The following DYNC1I1 variants were observed in gnomAD, a reference collection of about 807,000 sequenced individuals.
DYNC1I1 encodes cytoplasmic dynein 1 intermediate chain 1.
A neutral mutation model predicts 86.6 loss-of-function variants in DYNC1I1; 43 were observed. That is an observed-to-expected ratio of 0.50 (90% CI 0.39 to 0.64). The LOEUF is 0.64. Ranked by LOEUF, DYNC1I1 falls within the 30% of genes least tolerant of loss-of-function variation. The pLI is 0.00. For synonymous variants in DYNC1I1, 262 were observed against 283.7 expected, an observed-to-expected ratio of 0.92 and a Z score of 0.77; for missense variants, 604 against 788.8, an observed-to-expected ratio of 0.77 and a Z score of 2.81.
rs1384024941 is a variant in DYNC1I1 at position 96,035,623 on chromosome 7, G to A, written c.1235G>A (p.Ser412Asn). The change falls in exon 13 of 17, where the codon AGC becomes AAC. Residue 412 changes from serine to asparagine, a missense_variant. Coordinates refer to ENST00000447467, the MANE Select transcript of DYNC1I1 (RefSeq NM_001135556.2). ...AACCACACCGTGTTTTGGTAGGAGA[G>A]CATGGAGCTGGTGTACAATAAGTCC... ...SLDMLSTPQE[S>N]MELVYNKSKP... The A allele has an allele frequency of 1.3e-6, 2 of 1,585,904 alleles. No homozygotes were observed. Among genetic ancestry groups the A allele is most frequent in the Non-Finnish European group, 1.7e-6 (2 of 1,169,278 alleles).
At chr7:95,982,033 T>C (rs1196028953) in intron 7 of DYNC1I1, among the ~76,000 whole-genome samples, 1 of 151,936 alleles carries the variant, frequency 6.6e-6, no homozygotes, top group African/African-American at 2.4e-5. Flanking sequence ...CCTGGAGAGG[T>C]TTTTATCTCT....
chr7:95,810,350 T>G (rs1262150341), intron 2 of DYNC1I1, 42 bp from the exon 3 acceptor site: 1 of 1,514,824 alleles, frequency 6.6e-7, no homozygotes, highest in Non-Finnish European at 9.0e-7. Flanking sequence ...AAGCATACAT[T>G]TAGTTATGTT....
At chr7:95,868,719 C>G (rs1404097353) in intron 5 of DYNC1I1, among the ~76,000 whole-genome samples, 2 of 152,106 alleles carry the variant, frequency 1.3e-5, no homozygotes, top group Admixed American at 1.3e-4. Context: ...CATATGACTA[C>G]ATAATATATA....
chr7:96,035,423 C>A (rs1794905446), intron 12 of DYNC1I1, among the ~76,000 whole-genome samples, 196 bp from the exon 13 acceptor site: 1 of 152,176 alleles, frequency 6.6e-6, no homozygotes, highest in Admixed American at 6.5e-5. Flanking sequence ...CTGATGAAAT[C>A]CAGCCGGCTT....
chr7:95,946,794 G>T (rs1792414304), intron 6 of DYNC1I1, among the ~76,000 whole-genome samples: 1 of 152,114 alleles, frequency 6.6e-6, no homozygotes, highest in African/African-American at 2.4e-5. Context: ...CTTATATCTT[G>T]GTTGAATGAC....
intron 6 of DYNC1I1, among the ~76,000 whole-genome samples, chr7:95,973,008 C>G (rs768024730): frequency 2.0e-5 from 3 of 152,144 alleles, no homozygotes; most frequent in Non-Finnish European, 4.4e-5. Flanking sequence ...TAATTAACTT[C>G]TGCCACTAGT....
chr7:95,962,925 A>G (rs1584203952), intron 6 of DYNC1I1, among the ~76,000 whole-genome samples: 1 of 152,286 alleles, frequency 6.6e-6, no homozygotes, highest in Non-Finnish European at 1.5e-5. Context: ...TTGACTTATA[A>G]TGCTGCTTCT....
rs1346289011 is a variant in DYNC1I1 at position 95,810,429 on chromosome 7, A to T, written c.146A>T (p.Asp49Val). Residue 49 changes from aspartate to valine, a missense_variant, in exon 3 of 17, where the codon GAC (aspartate) becomes GTC (valine). Asp to Val is a radical substitution (Grantham distance 152). Coordinates refer to ENST00000447467, the MANE Select transcript of DYNC1I1 (RefSeq NM_001135556.2). The part of the protein sequence containing the change: ...MQQKKEPVQD[D>V]SDLDRKRRET... ...CAGAAGAAAGAACCCGTTCAGGACG[A>T]CTCTGATCTGGATCGCAAACGACGA... 1.2e-6 allele frequency: 2 copies of T among 1,612,792 alleles called. No homozygotes were observed. The highest frequency in any genetic ancestry group is 1.7e-6 in the Non-Finnish European group (2 of 1,179,334).
At chr7:95,852,647 C>T (rs1031299235) in intron 5 of DYNC1I1, among the ~76,000 whole-genome samples, 1 of 152,010 alleles carries the variant, frequency 6.6e-6, no homozygotes, top group Admixed American at 6.6e-5. Context: ...GCGAGGATTA[C>T]AGGTGCCCGC....
intron 6 of DYNC1I1, among the ~76,000 whole-genome samples, chr7:95,968,822 C>CTGTGTGTGTGTGTG (rs1491236339): frequency 7.5e-6 from 1 of 133,534 alleles, no homozygotes; most frequent in African/African-American, 2.7e-5. Context: ...GAATTTTTTG[C>CTGTGTGTGTGTGTG]TCTGTGTGTG....
At chr7:95,847,784 G>A (rs1026449193) in intron 5 of DYNC1I1, among the ~76,000 whole-genome samples, 9 of 151,990 alleles carry the variant, frequency 5.9e-5, no homozygotes, top group East Asian at 1.9e-4. Flanking sequence ...AGGAGATCTC[G>A]CTAGGATATT....
Position 95,892,349 on chromosome 7 carries a change from G to A in DYNC1I1, c.490+22351G>A, listed in dbSNP as rs183020590. Among the ~76,000 whole-genome samples, 427 of 149,806 alleles carry A rather than the reference G, an allele frequency of 2.9e-3. 1 individual carries two copies. Among genetic ancestry groups the A allele is most frequent in the Admixed American group, 7.3e-3 (109 of 15,028 alleles). On this transcript the variant is annotated intron_variant, in intron 6 of 16. Coordinates refer to ENST00000447467, the MANE Select transcript of DYNC1I1 (RefSeq NM_001135556.2). ...CCCCGAGACAGAGTCTTGCTCTGTCGCCCAGGCGGGAGTGCAGTGGCGGTG... is the reference window on the plus strand; with the variant it reads ...CCCCGAGACAGAGTCTTGCTCTGTCACCCAGGCGGGAGTGCAGTGGCGGTG...
At chr7:96,010,007 G>C (rs770545713) in intron 10 of DYNC1I1, among the ~76,000 whole-genome samples, 15 of 151,958 alleles carry the variant, frequency 9.9e-5, no homozygotes, top group African/African-American at 3.4e-4. Context: ...TCAAACTCCC[G>C]ACCTCAGGTG....
chr7:96,104,323 G>A (rs557701441), intron 16 of DYNC1I1, among the ~76,000 whole-genome samples: 14 of 152,040 alleles, frequency 9.2e-5, no homozygotes, highest in Non-Finnish European at 1.8e-4. Context: ...ATATGCTTTA[G>A]AACTTCATTT....
chr7:96,081,067 C>CAAAA (rs1278485393), intron 16 of DYNC1I1, among the ~76,000 whole-genome samples: 1 of 61,610 alleles, frequency 1.6e-5, no homozygotes, highest in Admixed American at 1.7e-4. Context: ...GACTCCATCT[C>CAAAA]AAAAAAAAAA....
At chr7:95,969,939 G>T (rs1393607951) in intron 6 of DYNC1I1, among the ~76,000 whole-genome samples, 1 of 152,166 alleles carries the variant, frequency 6.6e-6, no homozygotes, top group Non-Finnish European at 1.5e-5. Flanking sequence ...TTAACAAAGT[G>T]CTTACTGAAA....
intron 14 of DYNC1I1, among the ~76,000 whole-genome samples, chr7:96,051,091 A>T (rs1439590461): frequency 6.6e-6 from 1 of 151,868 alleles, no homozygotes; most frequent in African/African-American, 2.4e-5. Context: ...GTTTTGGATA[A>T]TTTTTTTTCC....
At chr7:95,813,986 G>A (rs529222686) in intron 4 of DYNC1I1, among the ~76,000 whole-genome samples, 5 of 152,268 alleles carry the variant, frequency 3.3e-5, no homozygotes, top group African/African-American at 1.2e-4. Flanking sequence ...AAAAGGTAAA[G>A]ATGTAAAAAG....
At chr7:95,887,332 C>T (rs995897848) in intron 6 of DYNC1I1, among the ~76,000 whole-genome samples, 2 of 152,174 alleles carry the variant, frequency 1.3e-5, no homozygotes, top group African/African-American at 4.8e-5. Context: ...CTTCATTCTC[C>T]TGACTCTACA....
Sources: allele counts gnomAD v4.1 joint callset (sites outside exome capture counted in the v4.1 genomes callset), GRCh38; gene constraint gnomAD v4.1.1; transcripts MANE v1.5; gene names NCBI Gene and HGNC (gene_info 2026-07-23, HGNC 2026-07-21).